Variants in OPCML observed in about 807,000 individuals in gnomAD.
OPCML encodes opioid-binding protein/cell adhesion molecule.
Under a neutral mutation model 37.8 loss-of-function variants are expected in OPCML, and 13 were observed. The observed-to-expected ratio is 0.34, with a 90% CI of 0.22 to 0.55. The LOEUF (loss-of-function observed/expected upper bound fraction) is 0.55. OPCML is among the 20% of genes least tolerant of loss of function. The pLI is 0.91. For missense variants in OPCML, 341 were observed against 435.6 expected (o/e 0.78, Z 1.93); for synonymous variants, 176 against 168.8 (o/e 1.04, Z -0.33).
chr11:133,526,742 G>A (rs1948499542), intron 1 of OPCML, among the ~76,000 whole-genome samples: 1 of 152,188 alleles, frequency 6.6e-6, no homozygotes, highest in South Asian at 2.1e-4. Context: ...CCAAGGCTTT[G>A]CAGATAAGTA....
chr11:132,994,937 A>T (rs1008256849), intron 1 of OPCML, among the ~76,000 whole-genome samples: 1 of 152,224 alleles, frequency 6.6e-6, no homozygotes, highest in Admixed American at 6.5e-5. Context: ...TGTCATACCC[A>T]TGTGTCAGCT....
chr11:133,438,947 A>C (rs1469520430), intron 1 of OPCML, among the ~76,000 whole-genome samples: 1 of 152,138 alleles, frequency 6.6e-6, no homozygotes, highest in African/African-American at 2.4e-5. Context: ...TGGAGGCTCC[A>C]TGCCCCCACA....
At chr11:133,224,220 A>G (rs1592120064) in intron 1 of OPCML, among the ~76,000 whole-genome samples, 1 of 152,270 alleles carries the variant, frequency 6.6e-6, no homozygotes, top group East Asian at 1.9e-4. Flanking sequence ...GGTCTCCCTA[A>G]GCCACCTCCA....
intron 1 of OPCML, among the ~76,000 whole-genome samples, chr11:133,514,424 C>T (rs1387171514): frequency 6.6e-6 from 1 of 152,218 alleles, no homozygotes; most frequent in Non-Finnish European, 1.5e-5. Flanking sequence ...TGTTTGCCAG[C>T]TCCATGTCAG....
intron 1 of OPCML, among the ~76,000 whole-genome samples, chr11:132,988,671 T>G (rs1429843767): frequency 1.3e-5 from 2 of 152,198 alleles, no homozygotes; most frequent in African/African-American, 2.4e-5. Context: ...TCACTCCCTC[T>G]GCTAGTTTTG....
chr11:133,102,227 T>C (rs1949093875), intron 1 of OPCML, among the ~76,000 whole-genome samples: 2 of 152,206 alleles, frequency 1.3e-5, no homozygotes, highest in African/African-American at 4.8e-5. Context: ...TGTAGTTAAA[T>C]CAATTTTATG....
chr11:132,993,249 G>A (rs1946814638), intron 1 of OPCML, among the ~76,000 whole-genome samples: 1 of 152,112 alleles, frequency 6.6e-6, no homozygotes, highest in South Asian at 2.1e-4. Flanking sequence ...TATGTTTCTA[G>A]GTCAATCTGT....
intron 1 of OPCML, among the ~76,000 whole-genome samples, chr11:133,189,720 A>T (rs1348903162): frequency 2.0e-5 from 3 of 152,170 alleles, no homozygotes; most frequent in Non-Finnish European, 4.4e-5. Flanking sequence ...ATAACACACA[A>T]CCAGCTTATT....
At chr11:132,442,194 T>C (rs1043425507) in intron 4 of OPCML, among the ~76,000 whole-genome samples, 4 of 152,206 alleles carry the variant, frequency 2.6e-5, no homozygotes, top group Admixed American at 6.5e-5. Flanking sequence ...TATATTTTTC[T>C]GTATCTTAGG....
intron 1 of OPCML, 50 bp downstream of exon 1, chr11:133,532,214 C>G: frequency 6.3e-7 from 1 of 1,599,030 alleles, no homozygotes; most frequent in African/African-American, 1.3e-5. Flanking sequence ...CCTGCTCTCA[C>G]GTCGTACAAT....
intron 1 of OPCML, among the ~76,000 whole-genome samples, chr11:133,168,620 T>C (rs1950246540): frequency 6.6e-6 from 1 of 152,202 alleles, no homozygotes; most frequent in African/African-American, 2.4e-5. Context: ...GTAGCTAGCC[T>C]TAGTTGATTC....
intron 1 of OPCML, among the ~76,000 whole-genome samples, chr11:132,986,751 G>A (rs190385518): frequency 2.0e-5 from 3 of 152,152 alleles, no homozygotes; most frequent in Non-Finnish European, 4.4e-5. Flanking sequence ...ACTAAAATGA[G>A]AATGGGTAAT....
chr11:132,873,696 T>G (rs1283816078), intron 2 of OPCML, among the ~76,000 whole-genome samples: 19 of 126,810 alleles, frequency 1.5e-4, no homozygotes, highest in Non-Finnish European at 2.1e-4. Flanking sequence ...ACCTAGCAGC[T>G]GGGCTGAGCA....
At chr11:133,328,142 T>C (rs1943523940) in intron 1 of OPCML, among the ~76,000 whole-genome samples, 2 of 151,700 alleles carry the variant, frequency 1.3e-5, no homozygotes, top group African/African-American at 4.8e-5. Flanking sequence ...TTATAAACCT[T>C]GTGGGTGTGT....
rs1296536549 is a variant in OPCML, at chr11:132,419,731, T to G, written c.*462A>C. 6.4e-6 allele frequency: 1 copy of G among 157,028 alleles called. No individual in the cohort carries two copies. The highest frequency in any genetic ancestry group is 1.4e-5 in the Non-Finnish European group (1 of 71,530). 9.7% of individuals were successfully genotyped at this position (157,028 alleles called of 1,614,324 possible). A position where few individuals can be genotyped will look rare whatever the true frequency, so the allele number is the denominator to read the frequency against. On this transcript the variant is annotated 3_prime_UTR_variant, in exon 8 of 8. Transcript: ENST00000524381. Reference sequence around the variant, plus strand: ...GATGGGGGCATATGTACATTGTCATTAAGAAAATAATCACAGATAATAGGA... The same window carrying G: ...GATGGGGGCATATGTACATTGTCATGAAGAAAATAATCACAGATAATAGGA...
chr11:132,544,730 C>T (rs932269425), intron 3 of OPCML, among the ~76,000 whole-genome samples: 1 of 152,158 alleles, frequency 6.6e-6, no homozygotes, highest in Non-Finnish European at 1.5e-5. Context: ...AACCTCTTCG[C>T]TGGCCTTCCC....
chr11:132,725,083 G>A (rs1364845265), intron 2 of OPCML, among the ~76,000 whole-genome samples: 2 of 152,148 alleles, frequency 1.3e-5, no homozygotes, highest in Admixed American at 1.3e-4. Context: ...AGGTCCATGA[G>A]GCAGTGCCCC....
At chr11:132,965,569 T>C (rs1032121206) in intron 1 of OPCML, among the ~76,000 whole-genome samples, 1 of 152,218 alleles carries the variant, frequency 6.6e-6, no homozygotes, top group African/African-American at 2.4e-5. Context: ...AGTCTCGCTC[T>C]CTTGCCAGGC....
intron 2 of OPCML, among the ~76,000 whole-genome samples, chr11:132,691,762 T>C (rs1943414604): frequency 1.3e-5 from 2 of 152,226 alleles, no homozygotes; most frequent in Admixed American, 6.5e-5. Context: ...ATTGTCATGA[T>C]TTAAATGTTC....
Sources: gnomAD v4.1 joint callset for allele counts (sites outside exome capture counted in the v4.1 genomes callset) on GRCh38, gnomAD v4.1.1 for gene constraint, MANE v1.5 for transcripts, NCBI Gene and HGNC (gene_info 2026-07-23, HGNC 2026-07-21) for gene names.